The following FAM13B variants were observed in gnomAD, a reference collection of about 807,000 sequenced individuals.
FAM13B encodes family with sequence similarity 13 member B, also known as protein FAM13B.
In FAM13B, 60 loss-of-function variants were observed where a neutral mutation model predicts 117.3. That is an observed-to-expected ratio of 0.51 (90% CI 0.42 to 0.63). The LOEUF is 0.63. Among genes scored for constraint, FAM13B ranks in the 30% least tolerant of loss-of-function variants. FAM13B has a pLI of 0.00. For missense variants in FAM13B, 972 were observed against 1,091.9 expected (o/e 0.89, Z 1.55); for synonymous variants, 332 against 356.1 (o/e 0.93, Z 0.76).
At chr5:137,981,990 A>G (rs959322647) in intron 10 of FAM13B, among the ~76,000 whole-genome samples, 18 of 152,242 alleles carry the variant, frequency 1.2e-4, no homozygotes, top group African/African-American at 4.3e-4. Flanking sequence ...GATAGGACTT[A>G]TGATTTAGCT....
intron 10 of FAM13B, among the ~76,000 whole-genome samples, chr5:137,962,828 A>G (rs372972863): frequency 4.7e-4 from 71 of 152,130 alleles, no homozygotes; most frequent in African/African-American, 1.7e-3. Context: ...AAGTTTGGTG[A>G]CTTCTTGTAG....
chr5:138,024,192 T>C (rs1218443309), intron 1 of FAM13B, among the ~76,000 whole-genome samples: 1 of 151,714 alleles, frequency 6.6e-6, no homozygotes, highest in East Asian at 1.9e-4. Context: ...TATCTGGAAA[T>C]AAGGTCTTTG....
chr5:137,999,171 T>C (rs1780584859), intron 7 of FAM13B, among the ~76,000 whole-genome samples: 1 of 150,908 alleles, frequency 6.6e-6, no homozygotes, highest in Non-Finnish European at 1.5e-5. Flanking sequence ...TGGAGTGCAG[T>C]GGCACAATCA....
chr5:138,016,013 T>G lies in FAM13B; in HGVS notation c.370+2289A>C, dbSNP rs549780026. Among the ~76,000 whole-genome samples the G allele has an allele frequency of 2.0e-5, 3 of 152,378 alleles. No homozygotes were observed. In the South Asian group the frequency reaches 6.2e-4, roughly 32 times the overall value. On this transcript the variant is annotated intron_variant, in intron 4 of 23. Transcript: ENST00000689681. ...GACCATAAGCATTTTTGCTTTTTTTTGCACATCTCTTTTGCAAATTTTTGC... is the reference window on the plus strand; with the variant it reads ...GACCATAAGCATTTTTGCTTTTTTTGGCACATCTCTTTTGCAAATTTTTGC...
chr5:137,994,330 A>G (rs1284377043), intron 7 of FAM13B, among the ~76,000 whole-genome samples: 1 of 152,228 alleles, frequency 6.6e-6, no homozygotes, highest in East Asian at 1.9e-4. Context: ...GAATTGTACA[A>G]CTTTGTTCTC....
chr5:137,990,407 C>T (rs753414146), intron 7 of FAM13B, among the ~76,000 whole-genome samples: 6 of 152,182 alleles, frequency 3.9e-5, no homozygotes, highest in Non-Finnish European at 7.3e-5. Context: ...CTCTAATTCT[C>T]AACTACTTAC....
At chr5:138,017,230 G>T (rs191763403) in intron 4 of FAM13B, among the ~76,000 whole-genome samples, 3 of 152,138 alleles carry the variant, frequency 2.0e-5, no homozygotes, top group Non-Finnish European at 2.9e-5. Context: ...GTGTAAGAGG[G>T]TCACAGAACG....
intron 15 of FAM13B, 29 bp downstream of exon 15, chr5:137,954,137 C>A (rs1305068245): frequency 1.9e-6 from 3 of 1,548,186 alleles, no homozygotes; most frequent in Non-Finnish European, 2.7e-6. Flanking sequence ...ATAGGAATTG[C>A]CTCTTGTAAG....
At chr5:137,972,219 T>C (rs1308068571) in intron 10 of FAM13B, among the ~76,000 whole-genome samples, 2 of 148,040 alleles carry the variant, frequency 1.4e-5, no homozygotes, top group African/African-American at 4.9e-5. Context: ...CTCAATAAAA[T>C]ACTGGCAAAC....
chr5:137,945,777 A>T, intron 20 of FAM13B, 125 bp downstream of exon 20: 1 of 639,392 alleles, frequency 1.6e-6, no homozygotes, highest in South Asian at 2.5e-5. Flanking sequence ...CAGTAATCTC[A>T]CCTTACAGTG....
intron 8 of FAM13B, 60 bp from the exon 9 acceptor site, chr5:137,987,676 G>C: frequency 6.6e-7 from 1 of 1,508,018 alleles, no homozygotes; most frequent in Non-Finnish European, 9.0e-7. Flanking sequence ...TGGTGACACA[G>C]ACATAAATGC....
chr5:138,023,665 C>T (rs1375571462), intron 1 of FAM13B, among the ~76,000 whole-genome samples: 1 of 152,120 alleles, frequency 6.6e-6, no homozygotes, highest in Admixed American at 6.5e-5. Context: ...CCTCCCCAGA[C>T]CTACGTGATC....
intron 1 of FAM13B, among the ~76,000 whole-genome samples, chr5:138,045,215 A>G (rs1408419807): frequency 2.0e-5 from 3 of 152,142 alleles, no homozygotes; most frequent in Non-Finnish European, 2.9e-5. Flanking sequence ...AGGATAGACC[A>G]TACAAGGAAA....
At chr5:137,968,801 C>T (rs918203516) in intron 10 of FAM13B, among the ~76,000 whole-genome samples, 1 of 152,216 alleles carries the variant, frequency 6.6e-6, no homozygotes, top group African/African-American at 2.4e-5. Flanking sequence ...ACTCGGGAAG[C>T]GCAAGGGGTC....
intron 17 of FAM13B, among the ~76,000 whole-genome samples, chr5:137,949,554 T>C (rs7730047): frequency 0.98 from 149,269 of 152,244 alleles, 73,246 homozygotes; most frequent in Middle Eastern, 1. Context: ...CCAAGGTGGG[T>C]GGATCACTTG....
At chr5:138,006,867 C>A in intron 7 of FAM13B, 123 bp downstream of exon 7, 1 of 979,406 alleles carries the variant, frequency 1.0e-6, no homozygotes. Flanking sequence ...ACTTCTTGCT[C>A]TTTTTCACAC....
chr5:137,982,350 C>T (rs1022309561), intron 10 of FAM13B, among the ~76,000 whole-genome samples: 3 of 152,060 alleles, frequency 2.0e-5, no homozygotes, highest in East Asian at 1.9e-4. Context: ...GTCAGGAGCT[C>T]GAGACCAGTC....
intron 6 of FAM13B, among the ~76,000 whole-genome samples, chr5:138,009,568 G>A (rs1354520395): frequency 6.6e-6 from 1 of 152,166 alleles, no homozygotes; most frequent in Non-Finnish European, 1.5e-5. Context: ...ACTTTGGGAG[G>A]TAGAGGTGGG....
intron 10 of FAM13B, among the ~76,000 whole-genome samples, chr5:137,968,491 T>C (rs925893448): frequency 6.7e-6 from 1 of 150,246 alleles, no homozygotes; most frequent in Non-Finnish European, 1.5e-5. Flanking sequence ...GGCTAACCAA[T>C]ACATTATAGG....
Sources: gnomAD v4.1 joint callset for allele counts (sites outside exome capture counted in the v4.1 genomes callset) on GRCh38, gnomAD v4.1.1 for gene constraint, MANE v1.5 for transcripts, NCBI Gene and HGNC (gene_info 2026-07-23, HGNC 2026-07-21) for gene names.